The following COPS4 variants were observed in gnomAD, a reference collection of about 807,000 sequenced individuals.
COPS4 encodes the protein COP9 signalosome complex subunit 4.
In COPS4, 8 loss-of-function variants were observed where a neutral mutation model predicts 55.1. The ratio of observed to expected loss-of-function variants is 0.15; its 90% CI spans 0.09 to 0.26. COPS4 has a LOEUF of 0.26. Ranked by LOEUF, COPS4 falls within the 10% of genes least tolerant of loss-of-function variation. COPS4 has a pLI of 1.00. For synonymous variants in COPS4, 185 were observed against 165.7 expected (o/e 1.12, Z -0.90); for missense variants, 248 against 484.0 (o/e 0.51, Z 4.58).
At chr4:83,072,473 C>CA (rs1731460665) in intron 9 of COPS4, among the ~76,000 whole-genome samples, 1 of 152,170 alleles carries the variant, frequency 6.6e-6, no homozygotes, top group African/African-American at 2.4e-5. Context: ...TTTTTGCACT[C>CA]AAATAGGTCA....
At chr4:83,039,304 T>A (rs1730501817) in intron 1 of COPS4, among the ~76,000 whole-genome samples, 1 of 152,204 alleles carries the variant, frequency 6.6e-6, no homozygotes, top group Non-Finnish European at 1.5e-5. Flanking sequence ...AGCCAGTATG[T>A]TAGTCTGAGC....
chr4:83,053,398 C>CCT (rs763427444), intron 4 of COPS4, among the ~76,000 whole-genome samples: 4 of 151,888 alleles, frequency 2.6e-5, no homozygotes, highest in Non-Finnish European at 5.9e-5. Context: ...AATGAGTGAC[C>CCT]ATAGGAGTTA....
intron 6 of COPS4, 27 bp from the exon 7 acceptor site, chr4:83,063,049 A>T (rs1731201608): frequency 3.3e-6 from 5 of 1,509,062 alleles, no homozygotes; most frequent in Non-Finnish European, 2.6e-6. Flanking sequence ...AACATTGTGA[A>T]ATTTGATGCT....
At chr4:83,057,160 G>T (rs1731034379) in intron 5 of COPS4, 81 bp downstream of exon 5, 2 of 1,499,834 alleles carry the variant, frequency 1.3e-6, no homozygotes, top group Non-Finnish European at 1.8e-6. Flanking sequence ...TCTGATAGAT[G>T]CTCTTAAATA....
intron 1 of COPS4, among the ~76,000 whole-genome samples, chr4:83,037,491 C>A (rs1730454897): frequency 6.6e-6 from 1 of 152,188 alleles, no homozygotes; most frequent in Admixed American, 6.5e-5. Context: ...GCAGTCTTAG[C>A]CATAACTCCT....
chr4:83,069,259 C>G (rs1180679429), intron 9 of COPS4, among the ~76,000 whole-genome samples: 1 of 152,080 alleles, frequency 6.6e-6, no homozygotes, highest in Non-Finnish European at 1.5e-5. Flanking sequence ...CTTGCTGTAC[C>G]CAGAACTTTT....
chr4:83,073,811 G>C (rs4693556), intron 9 of COPS4, among the ~76,000 whole-genome samples: 1 of 152,048 alleles, frequency 6.6e-6, no homozygotes, highest in Non-Finnish European at 1.5e-5. Context: ...ACAAAAATTA[G>C]CTGGGCGTAG....
At chr4:83,072,014 G>A (rs1402696553) in intron 9 of COPS4, among the ~76,000 whole-genome samples, 1 of 151,854 alleles carries the variant, frequency 6.6e-6, no homozygotes, top group East Asian at 1.9e-4. Flanking sequence ...CTGGCTGCCT[G>A]GCTGATAATT....
intron 6 of COPS4, among the ~76,000 whole-genome samples, chr4:83,058,822 A>G (rs753450269): frequency 1.3e-5 from 2 of 152,218 alleles, no homozygotes; most frequent in African/African-American, 2.4e-5. Context: ...ATGTATGAGT[A>G]TATGTATAGG....
At chr4:83,040,037 T>G (rs1730518480) in intron 1 of COPS4, among the ~76,000 whole-genome samples, 1 of 152,222 alleles carries the variant, frequency 6.6e-6, no homozygotes. Flanking sequence ...GGCCTCTTAC[T>G]CTGTCTTTTC....
At chr4:83,067,345 G>A (rs1271767688) in intron 8 of COPS4, among the ~76,000 whole-genome samples, 4 of 151,794 alleles carry the variant, frequency 2.6e-5, no homozygotes, top group African/African-American at 7.3e-5. Flanking sequence ...AGGTTCAGGC[G>A]ATTCTCCTAC....
chr4:83,047,278 G>A (rs1730739927), intron 2 of COPS4, among the ~76,000 whole-genome samples: 2 of 152,184 alleles, frequency 1.3e-5, no homozygotes, highest in South Asian at 4.1e-4. Flanking sequence ...GCTCATGCCT[G>A]TAATCCCAAC....
intron 4 of COPS4, among the ~76,000 whole-genome samples, chr4:83,051,132 C>A (rs1730878317): frequency 1.3e-5 from 2 of 150,752 alleles, no homozygotes; most frequent in Non-Finnish European, 2.9e-5. Context: ...GGCATGATGG[C>A]ACATGCCTGT....
intron 1 of COPS4, among the ~76,000 whole-genome samples, chr4:83,041,505 A>ACT (rs1730567889): frequency 6.6e-6 from 1 of 151,350 alleles, no homozygotes; most frequent in Admixed American, 6.6e-5. Flanking sequence ...TTTTTGTTTT[A>ACT]CTCTCACTCT....
chr4:83,070,685 A>G (rs141827647), intron 9 of COPS4, among the ~76,000 whole-genome samples: 308 of 151,552 alleles, frequency 2.0e-3, no homozygotes, highest in African/African-American at 7.1e-3. Context: ...TTGAGAAATA[A>G]CCTCTTTCTT....
chr4:83,046,773 C>T (rs974477268), intron 2 of COPS4, among the ~76,000 whole-genome samples: 1 of 152,178 alleles, frequency 6.6e-6, no homozygotes, highest in African/African-American at 2.4e-5. Context: ...GTCACATAGG[C>T]TCCTTTTAAT....
intron 4 of COPS4, among the ~76,000 whole-genome samples, chr4:83,050,846 C>A (rs556079888): frequency 6.6e-6 from 1 of 152,148 alleles, no homozygotes; most frequent in South Asian, 2.1e-4. Context: ...GAGGGGGAGC[C>A]ATTGGAGAAT....
Position 83,057,273 on chromosome 4 carries a change from G to A in COPS4, c.580G>A (p.Val194Ile). 1 of 1,606,332 alleles carries A rather than the reference G, an allele frequency of 6.2e-7. No homozygotes were observed. The highest frequency in any genetic ancestry group is 8.5e-7 in the Non-Finnish European group (1 of 1,176,908). The change falls in exon 6 of 10, where the codon GTT (valine) becomes ATT (isoleucine). Residue 194 changes from valine (V) to isoleucine (I), a missense_variant. Physicochemically the swap from Val to Ile is conservative, Grantham distance 29. Coordinates refer to ENST00000264389, the MANE Select transcript of COPS4 (RefSeq NM_016129.3). ...QIHYKVCYARVLDYRRKFIEA... is the reference protein window; with the variant it reads ...QIHYKVCYARILDYRRKFIEA... Reference sequence around the variant, plus strand: ...CCTCTGTTAGGTATGCTATGCACGTGTTCTTGATTATAGAAGAAAATTCAT... The same window carrying A: ...CCTCTGTTAGGTATGCTATGCACGTATTCTTGATTATAGAAGAAAATTCAT...
chr4:83,057,919 CAAAAAAAAA>C (rs960818183), intron 6 of COPS4, among the ~76,000 whole-genome samples: 2 of 54,272 alleles, frequency 3.7e-5, no homozygotes, highest in South Asian at 1.3e-3. Context: ...GACTCTGTCT[CAAAAAAAAA>C]AAAAAAAAAA....
Sources: allele counts gnomAD v4.1 joint callset (sites outside exome capture counted in the v4.1 genomes callset), GRCh38; gene constraint gnomAD v4.1.1; transcripts MANE v1.5; gene names NCBI Gene and HGNC (gene_info 2026-07-23, HGNC 2026-07-21).